UBE3B: variants seen among roughly 807,000 people sequenced by gnomAD.
UBE3B encodes the protein ubiquitin protein ligase E3B.
In UBE3B, 80 loss-of-function variants were observed where a neutral mutation model predicts 132.3. That is an observed-to-expected ratio of 0.60 (90% CI 0.50 to 0.73). The LOEUF is 0.73. UBE3B is among the 30% of genes least tolerant of loss of function. The pLI, the probability that UBE3B is intolerant of heterozygous loss-of-function variation, is 0.00. For synonymous variants in UBE3B, 487 were observed against 520.4 expected, an observed-to-expected ratio of 0.94 and a Z score of 0.87; for missense variants, 1,196 against 1,362.5, an observed-to-expected ratio of 0.88 and a Z score of 1.92.
At chr12:109,514,945 G>A (rs914916487) in intron 18 of UBE3B, among the ~76,000 whole-genome samples, 1 of 148,486 alleles carries the variant, frequency 6.7e-6, no homozygotes, top group South Asian at 2.1e-4. Flanking sequence ...ACAGAGTCTC[G>A]CTCTGTCGCC....
chr12:109,534,572 C>T lies in UBE3B; in HGVS notation c.3016-19C>T. ...AAACTAGGCCCTTCCCAATTCAAGG[C>T]CACGATGTGTGCCTTCAGGACACCG... On this transcript the variant is annotated intron_variant, in intron 27 of 27. Coordinates refer to ENST00000342494, the MANE Select transcript of UBE3B (RefSeq NM_130466.4). The surrounding 1 kb of genome is among the most constrained non-coding windows in gnomAD (Gnocchi z 5.2). 1 of 1,590,742 alleles carries T rather than the reference C, an allele frequency of 6.3e-7. No homozygotes were observed. The highest frequency in any genetic ancestry group is 8.6e-7 in the Non-Finnish European group (1 of 1,168,194).
At chr12:109,494,907 C>G (rs1877980449) in intron 9 of UBE3B, among the ~76,000 whole-genome samples, 2 of 152,210 alleles carry the variant, frequency 1.3e-5, no homozygotes, top group Non-Finnish European at 2.9e-5. Context: ...GTGAGAACCC[C>G]TAGAGAATGC....
At chr12:109,545,248 G>T in the UBE3B span, among the ~76,000 whole-genome samples, 54 of 152,328 alleles carry the variant, frequency 3.5e-4, no homozygotes, top group Admixed American at 1.5e-3. Flanking sequence ...ATTGCAGATG[G>T]TGCCAGATGA....
At chr12:109,526,283 G>C in intron 23 of UBE3B, 75 bp from the exon 24 acceptor site, 1 of 1,393,232 alleles carries the variant, frequency 7.2e-7, no homozygotes, top group Non-Finnish European at 1.0e-6. Flanking sequence ...GTTTGTGCTG[G>C]GCCCTCTCAT....
the UBE3B span, among the ~76,000 whole-genome samples, chr12:109,541,749 G>A: frequency 2.0e-5 from 3 of 152,222 alleles, no homozygotes; most frequent in Non-Finnish European, 4.4e-5. Context: ...TCCCTCTGGA[G>A]GCTCTGGGGA....
rs775578305 is a variant in UBE3B, at chr12:109,534,747, G to A, written c.3172G>A (p.Ala1058Thr). 3.8e-6 allele frequency: 6 copies of A among 1,583,534 alleles called. No homozygotes were observed. Among genetic ancestry groups the A allele is most frequent in the Admixed American group, 3.5e-5 (2 of 57,002 alleles). ...KSVLREKLRYAISMNTGFELS is the reference protein window; with the variant it reads ...KSVLREKLRYTISMNTGFELS ...CGTCCTCCGCGAGAAGCTGCGCTAC[G>A]CCATCAGCATGAACACGGGCTTTGA... Residue 1058 changes from alanine (A) to threonine (T), a missense_variant, in exon 28 of 28, where the codon GCC (alanine) becomes ACC (threonine). Ala to Thr is a moderately conservative substitution (Grantham distance 58). Coordinates refer to ENST00000342494, the MANE Select transcript of UBE3B (RefSeq NM_130466.4). This position sits in a 1 kb window ranked among gnomAD's most constrained non-coding sequence, Gnocchi z 5.2.
Position 109,522,121 on chromosome 12 carries a change from G to A in UBE3B, c.2364+570G>A, listed in dbSNP as rs1018322898. On this transcript the variant is annotated intron_variant, in intron 21 of 27. Transcript: ENST00000342494. This position sits in a 1 kb window ranked among gnomAD's most constrained non-coding sequence, Gnocchi z 4.2. ...TCTTTAGTTTTTAAGCCGTGTTCTC[G>A]CATCAGTAAAGTGGAGATAAGAAAA... Among the ~76,000 whole-genome samples the A allele has an allele frequency of 2.6e-5, 4 of 152,182 alleles. No homozygotes were observed. The highest frequency in any genetic ancestry group is 4.8e-5 in the African/African-American group (2 of 41,426).
chr12:109,506,864 A>C (rs1879756088), intron 14 of UBE3B, among the ~76,000 whole-genome samples: 1 of 152,254 alleles, frequency 6.6e-6, no homozygotes, highest in Non-Finnish European at 1.5e-5. Context: ...GCTGCCAATC[A>C]CAGCAGCCTA....
chr12:109,486,804 T>G (rs1043101925), intron 6 of UBE3B, among the ~76,000 whole-genome samples: 2 of 152,142 alleles, frequency 1.3e-5, no homozygotes, highest in African/African-American at 4.8e-5. Context: ...TGGCAGGGAA[T>G]CTGTCACTTT....
intron 8 of UBE3B, chr12:109,490,627 G>C: frequency 6.5e-7 from 1 of 1,531,162 alleles, no homozygotes; most frequent in Non-Finnish European, 8.7e-7. Context: ...TAATTAAACG[G>C]CTTCTAAAAT....
rs1347226707 is a variant in UBE3B, at chr12:109,535,443, C to T, written c.*661C>T. 6.6e-6 allele frequency: 1 copy of T among 152,338 alleles called. No individual in the cohort carries two copies. The highest frequency in any genetic ancestry group is 1.9e-4 in the East Asian group (1 of 5,196). 9.4% of individuals were successfully genotyped at this position (152,338 alleles called of 1,614,324 possible). A position where few individuals can be genotyped will look rare whatever the true frequency, so the allele number is the denominator to read the frequency against. Reference sequence around the variant, plus strand: ...CCGCGGCCCTCCCATTTTCTGCGTCCTCAGCGGGCTGAGCTGCCAGAGAGT... The same window carrying T: ...CCGCGGCCCTCCCATTTTCTGCGTCTTCAGCGGGCTGAGCTGCCAGAGAGT... On this transcript the variant is annotated 3_prime_UTR_variant, in exon 28 of 28. Coordinates refer to ENST00000342494, the MANE Select transcript of UBE3B (RefSeq NM_130466.4).
At chr12:109,486,262 C>T (rs1876406706) in intron 5 of UBE3B, among the ~76,000 whole-genome samples, 191 bp downstream of exon 5, 1 of 152,172 alleles carries the variant, frequency 6.6e-6, no homozygotes, top group Non-Finnish European at 1.5e-5. Flanking sequence ...CTGCTCTTGC[C>T]ACAACACAGG....
intron 27 of UBE3B, chr12:109,533,800 G>T (rs935957732): frequency 2.3e-6 from 2 of 886,576 alleles, no homozygotes; most frequent in Admixed American, 2.0e-5. Flanking sequence ...CTCAGGGAAG[G>T]GTACCTGGAG....
chr12:109,525,258 A>T, intron 23 of UBE3B, among the ~76,000 whole-genome samples: 1 of 152,170 alleles, frequency 6.6e-6, no homozygotes, highest in Non-Finnish European at 1.5e-5. Flanking sequence ...GCAGGCTGGC[A>T]CGTGAAGGCT....
intron 7 of UBE3B, 63 bp from the exon 8 acceptor site, chr12:109,489,856 C>T: frequency 1.4e-6 from 2 of 1,467,334 alleles, no homozygotes; most frequent in Non-Finnish European, 1.9e-6. Flanking sequence ...AATTTCCTGT[C>T]CCACATAAAC....
At chr12:109,491,242 T>C (rs2135845884) in intron 9 of UBE3B, 115 bp downstream of exon 9, 2 of 915,806 alleles carry the variant, frequency 2.2e-6, no homozygotes, top group Admixed American at 2.7e-5. Flanking sequence ...TGTCAGAATT[T>C]ATGGGAAGCA....
downstream of UBE3B, among the ~76,000 whole-genome samples, chr12:109,537,773 C>T (rs1883508590): frequency 1.3e-5 from 2 of 152,152 alleles, no homozygotes; most frequent in South Asian, 4.1e-4. Context: ...GGCGCGATCT[C>T]AGCTCACTGC....
chr12:109,503,195 G>T lies in UBE3B; in HGVS notation c.1450+5G>T. The T allele has an allele frequency of 1.2e-6, 2 of 1,613,634 alleles. No individual in the cohort carries two copies. The highest frequency in any genetic ancestry group is 1.1e-5 in the South Asian group (1 of 91,040). On this transcript the variant is annotated splice_donor_5th_base_variant and intron_variant, in intron 14 of 27. Coordinates refer to ENST00000342494, the MANE Select transcript of UBE3B (RefSeq NM_130466.4). ...TTCGGCTGCAGATACTCACAGGTTC[G>T]CAGTCCCCAGGGCATCTTCTTCACC...
At chr12:109,483,170 A>C (rs1352822938) in intron 2 of UBE3B, among the ~76,000 whole-genome samples, 1 of 152,212 alleles carries the variant, frequency 6.6e-6, no homozygotes, top group Non-Finnish European at 1.5e-5. Context: ...AATATCTGGG[A>C]ATCTTTGACC....
Sources: allele counts gnomAD v4.1 joint callset (sites outside exome capture counted in the v4.1 genomes callset), GRCh38; gene constraint gnomAD v4.1.1; non-coding constraint Gnocchi (gnomAD v3.1); transcripts MANE v1.5; gene names NCBI Gene and HGNC (gene_info 2026-07-23, HGNC 2026-07-21).